ZFHX3: variants seen among roughly 807,000 people sequenced by gnomAD.
The protein encoded by ZFHX3 is zinc finger homeobox 3.
A neutral mutation model predicts 279.1 loss-of-function variants in ZFHX3; 42 were observed. The observed-to-expected ratio is 0.15, with a 90% CI of 0.12 to 0.19. The LOEUF (loss-of-function observed/expected upper bound fraction) is 0.19, where lower values mean the gene tolerates loss of function less well. ZFHX3 is among the 10% of genes least tolerant of loss of function. The pLI, the probability that ZFHX3 is intolerant of heterozygous loss-of-function variation, is 1.00. For synonymous variants in ZFHX3, 2,293 were observed against 1,957.8 expected (o/e 1.17, Z -4.52); for missense variants, 4,981 against 4,754.0 (o/e 1.05, Z -1.40).
At chr16:72,973,908 G>A (rs1264016636) in intron 1 of ZFHX3, 1 of 152,078 alleles carries the variant, frequency 6.6e-6, no homozygotes, top group Non-Finnish European at 1.5e-5. Context: ...GAAAAAATCA[G>A]GTATGAACTA....
intron 8 of ZFHX3, among the ~76,000 whole-genome samples, chr16:73,069,614 G>A (rs1345884534): frequency 6.6e-6 from 1 of 152,166 alleles, no homozygotes; most frequent in East Asian, 1.9e-4. Context: ...AGAAGGGGAA[G>A]GGGTGAATTG....
intron 2 of ZFHX3, among the ~76,000 whole-genome samples, chr16:73,595,751 T>C (rs2052042237): frequency 6.6e-6 from 1 of 152,128 alleles, no homozygotes; most frequent in African/African-American, 2.4e-5. Flanking sequence ...CTTTACCATC[T>C]TTCCCCTCAA....
intron 4 of ZFHX3, among the ~76,000 whole-genome samples, chr16:73,295,569 G>A (rs925868413): frequency 1.3e-5 from 2 of 152,210 alleles, no homozygotes; most frequent in African/African-American, 4.8e-5. Flanking sequence ...AATTTTTAGG[G>A]TTGCCTGGTT....
chr16:73,625,926 C>T (rs1162506464), intron 2 of ZFHX3, among the ~76,000 whole-genome samples: 2 of 152,204 alleles, frequency 1.3e-5, no homozygotes, highest in Non-Finnish European at 1.5e-5. Flanking sequence ...GGCACGATCT[C>T]TGCTCACCAC....
rs1961415657 is a variant in ZFHX3 at position 72,958,979 on chromosome 16, C to A, written c.1167G>T (p.Gln389His). Residue 389 changes from glutamine to histidine, a missense_variant, in exon 2 of 10, where the codon CAG becomes CAT. Physicochemically the swap from Gln to His is conservative, Grantham distance 24. Transcript: ENST00000268489. The stretch of plus-strand genomic sequence containing the variant: ...TGGGGGTCAAGAGACCAGCCTGGGG[C>A]TGCTCGGGGCCAGCGGCGGAGCCCG... The part of the protein sequence containing the change: ...LPAGSAAGPE[Q>H]PQAGLLTPST... The A allele has an allele frequency of 6.2e-7, 1 of 1,604,482 alleles. No individual in the cohort carries two copies. The highest frequency in any genetic ancestry group is 1.1e-5 in the South Asian group (1 of 89,334).
intron 1 of ZFHX3, among the ~76,000 whole-genome samples, chr16:73,863,817 T>G (rs1321279476): frequency 6.6e-6 from 1 of 152,192 alleles, no homozygotes; most frequent in Admixed American, 6.5e-5. Flanking sequence ...AAAGAATAAG[T>G]GCCGAAATGA....
rs1234016147 is a variant in ZFHX3 at position 72,784,228 on chromosome 16, G to A, written c.*2936C>T. On this transcript the variant is annotated 3_prime_UTR_variant, in exon 10 of 10. Coordinates refer to ENST00000268489, the MANE Select transcript of ZFHX3 (RefSeq NM_006885.4). Reference sequence around the variant, plus strand: ...ACTGACAGTCACTCTGCCTCACAGAGGGAGGATGGCATAGTAGCTCCATGA... The same window carrying A: ...ACTGACAGTCACTCTGCCTCACAGAAGGAGGATGGCATAGTAGCTCCATGA... 1 of 151,736 alleles carries A rather than the reference G, an allele frequency of 6.6e-6. No individual in the cohort carries two copies. Among genetic ancestry groups the A allele is most frequent in the Non-Finnish European group, 1.5e-5 (1 of 68,026 alleles). The allele number at this position is 151,736 out of a possible 1,614,324, so 9.4% of individuals were successfully genotyped here.
intron 2 of ZFHX3, among the ~76,000 whole-genome samples, chr16:73,622,310 G>C (rs1008185581): frequency 1.3e-5 from 2 of 152,224 alleles, no homozygotes; most frequent in African/African-American, 4.8e-5. Flanking sequence ...TGTAATCCCA[G>C]CACTTTGGGA....
At chr16:73,348,112 C>A (rs916678878) in intron 3 of ZFHX3, among the ~76,000 whole-genome samples, 10 of 152,130 alleles carry the variant, frequency 6.6e-5, no homozygotes, top group African/African-American at 2.4e-4. Context: ...GTTTACTAAT[C>A]TTCTTGAACT....
At chr16:72,820,292 G>A (rs186693073) in intron 5 of ZFHX3, among the ~76,000 whole-genome samples, 42 of 152,290 alleles carry the variant, frequency 2.8e-4, no homozygotes, top group Non-Finnish European at 5.0e-4. Context: ...CTACATCAGA[G>A]ACATCAATCT....
At chr16:73,192,221 C>T (rs185016433) in intron 5 of ZFHX3, among the ~76,000 whole-genome samples, 1 of 152,118 alleles carries the variant, frequency 6.6e-6, no homozygotes, top group Admixed American at 6.5e-5. Flanking sequence ...CCTATCCCAC[C>T]GCCGTTGCAA....
chr16:73,354,544 A>G (rs1386780684), intron 3 of ZFHX3, among the ~76,000 whole-genome samples: 1 of 152,162 alleles, frequency 6.6e-6, no homozygotes, highest in Admixed American at 6.5e-5. Flanking sequence ...TGCAGGTAAC[A>G]TGCCTGTTAC....
At position 72,785,554 on chromosome 16, in the gene ZFHX3, C is replaced by A. The variant is rs1418136438; in HGVS notation, c.*1610G>T. Reference sequence around the variant, plus strand: ...TGTTTGTTTAAATCAGAAACAAATTCTCAAGTAACAAGAACCCTTTCCCTT... The same window carrying A: ...TGTTTGTTTAAATCAGAAACAAATTATCAAGTAACAAGAACCCTTTCCCTT... On this transcript the variant is annotated 3_prime_UTR_variant, in exon 10 of 10. Transcript: ENST00000268489. 2 of 152,520 alleles carry A rather than the reference C, an allele frequency of 1.3e-5. No homozygotes were observed. The highest frequency in any genetic ancestry group is 2.9e-5 in the Non-Finnish European group (2 of 68,022). 9.4% of individuals were successfully genotyped at this position (152,520 alleles called of 1,614,324 possible).
intron 1 of ZFHX3, among the ~76,000 whole-genome samples, chr16:73,766,759 G>A (rs1287707373): frequency 1.3e-5 from 2 of 152,102 alleles, no homozygotes; most frequent in Non-Finnish European, 2.9e-5. Context: ...GGGTCCCCAG[G>A]AGTTGTCGCC....
chr16:73,076,247 C>A (rs886498005), intron 8 of ZFHX3, among the ~76,000 whole-genome samples: 2 of 152,208 alleles, frequency 1.3e-5, no homozygotes, highest in South Asian at 2.1e-4. Context: ...GCGTGAAGAT[C>A]AAGTGATTGT....
intron 2 of ZFHX3, among the ~76,000 whole-genome samples, chr16:73,541,953 C>T (rs1317986829): frequency 1.3e-5 from 2 of 151,804 alleles, no homozygotes; most frequent in Non-Finnish European, 2.9e-5. Flanking sequence ...AGGCACCTGC[C>T]ACCGTGCCTG....
intron 3 of ZFHX3, among the ~76,000 whole-genome samples, chr16:73,363,876 T>C (rs1467158561): frequency 2.0e-5 from 3 of 152,198 alleles, no homozygotes; most frequent in Non-Finnish European, 4.4e-5. Context: ...ATGTTAGAAC[T>C]GTAGGTAGCT....
chr16:72,829,583 T>C (rs960112015), intron 5 of ZFHX3, 196 bp downstream of exon 5: 14 of 602,248 alleles, frequency 2.3e-5, no homozygotes, highest in Non-Finnish European at 3.5e-5. Flanking sequence ...CAGTATAATG[T>C]AGTATAATAA....
chr16:73,070,936 G>GCACACACACA (rs1288169998), intron 8 of ZFHX3, among the ~76,000 whole-genome samples: 23 of 9,978 alleles, frequency 2.3e-3, no homozygotes, highest in African/African-American at 3.1e-3. Context: ...GCGCGCGCGC[G>GCACACACACA]CGCACACACA....
Sources: allele counts gnomAD v4.1 joint callset (sites outside exome capture counted in the v4.1 genomes callset), GRCh38; gene constraint gnomAD v4.1.1; transcripts MANE v1.5; gene names NCBI Gene and HGNC (gene_info 2026-07-23, HGNC 2026-07-21).